Variants in HRH1 observed in about 807,000 individuals in gnomAD.
The protein encoded by HRH1 is histamine H1 receptor.
HRH1 carries 6 observed loss-of-function variants against 10.3 expected under a neutral mutation model. That is an observed-to-expected ratio of 0.58 (90% CI 0.32 to 1.15). The LOEUF (loss-of-function observed/expected upper bound fraction) is 1.15, where lower values mean the gene tolerates loss of function less well. Among genes scored for constraint, HRH1 ranks in the 50% most tolerant of loss-of-function variants. The pLI, the probability that HRH1 is intolerant of heterozygous loss-of-function variation, is 0.05. For missense variants in HRH1, 514 were observed against 615.3 expected (o/e 0.84, Z 1.74); for synonymous variants, 242 against 236.7 (o/e 1.02, Z -0.21).
chr3:11,142,414 C>G (rs1343399636), intron 1 of HRH1, among the ~76,000 whole-genome samples: 1 of 152,190 alleles, frequency 6.6e-6, no homozygotes, highest in Non-Finnish European at 1.5e-5. Flanking sequence ...AGTTACTGCT[C>G]TAAGTGCTGG....
chr3:11,238,698 C>A lies in HRH1; in HGVS notation c.-35-20305C>A, dbSNP rs571874049. Among the ~76,000 whole-genome samples, 3 of 152,328 alleles carry A rather than the reference C, an allele frequency of 2.0e-5. No individual in the cohort carries two copies. In the East Asian group the frequency reaches 5.8e-4, roughly 29 times the overall value. On this transcript the variant is annotated intron_variant, in intron 1 of 1. Coordinates refer to ENST00000431010, the MANE Select transcript of HRH1 (RefSeq NM_001098212.2). Reference sequence around the variant, plus strand: ...CCAAAAGATCCCTTCCTGTCCCCCCCTCCACTACCAGGCAACCACTAATCT... The same window carrying A: ...CCAAAAGATCCCTTCCTGTCCCCCCATCCACTACCAGGCAACCACTAATCT...
intron 1 of HRH1, among the ~76,000 whole-genome samples, chr3:11,141,584 T>C (rs150847398): frequency 6.6e-6 from 1 of 152,268 alleles, no homozygotes; most frequent in Non-Finnish European, 1.5e-5. Context: ...GCATTGGTTC[T>C]CCTTCAAAAG....
chr3:11,158,038 T>C (rs1369263993), intron 1 of HRH1, among the ~76,000 whole-genome samples: 1 of 152,260 alleles, frequency 6.6e-6, no homozygotes, highest in Non-Finnish European at 1.5e-5. Context: ...TATTCATGAA[T>C]GTCTACGGAA....
At chr3:11,152,902 C>T (rs939620704), upstream of HRH1, among the ~76,000 whole-genome samples, 22 of 151,950 alleles carry the variant, frequency 1.4e-4, no homozygotes, top group Admixed American at 5.2e-4. Flanking sequence ...CCTGACTTCT[C>T]GAATCCATAA....
chr3:11,197,824 C>G (rs1937724092), intron 1 of HRH1, among the ~76,000 whole-genome samples: 1 of 152,124 alleles, frequency 6.6e-6, no homozygotes, highest in Non-Finnish European at 1.5e-5. Flanking sequence ...CTGTTTGTAA[C>G]CCTCCAGCAT....
chr3:11,158,550 T>C (rs1936862030), intron 1 of HRH1, among the ~76,000 whole-genome samples: 1 of 152,228 alleles, frequency 6.6e-6, no homozygotes, highest in Non-Finnish European at 1.5e-5. Context: ...TATTTAGTCT[T>C]CCATGAACAT....
intron 1 of HRH1, among the ~76,000 whole-genome samples, chr3:11,241,123 A>T (rs931657739): frequency 6.6e-6 from 1 of 152,340 alleles, no homozygotes; most frequent in Non-Finnish European, 1.5e-5. Flanking sequence ...CTATTATAAA[A>T]TAAAGACAAT....
At chr3:11,190,891 C>G (rs900873804) in intron 1 of HRH1, among the ~76,000 whole-genome samples, 1 of 152,204 alleles carries the variant, frequency 6.6e-6, no homozygotes, top group Non-Finnish European at 1.5e-5. Flanking sequence ...CTTCCTGGTC[C>G]GCATTTGGGC....
At chr3:11,220,231 T>C (rs1433005243) in intron 1 of HRH1, among the ~76,000 whole-genome samples, 1 of 152,170 alleles carries the variant, frequency 6.6e-6, no homozygotes. Flanking sequence ...CTATATATGT[T>C]AGTTGTTTCG....
intron 1 of HRH1, among the ~76,000 whole-genome samples, chr3:11,203,669 G>A (rs755918384): frequency 2.0e-5 from 3 of 152,148 alleles, no homozygotes; most frequent in Non-Finnish European, 4.4e-5. Flanking sequence ...CTGTATTTAT[G>A]TCGATTTATC....
intron 1 of HRH1, among the ~76,000 whole-genome samples, chr3:11,163,426 C>G (rs1936964713): frequency 6.6e-6 from 1 of 152,180 alleles, no homozygotes; most frequent in Admixed American, 6.5e-5. Context: ...GCAGAATGAC[C>G]TGGCCAGCCT....
chr3:11,195,710 T>A (rs2125024025), intron 1 of HRH1, among the ~76,000 whole-genome samples: 1 of 152,266 alleles, frequency 6.6e-6, no homozygotes, highest in South Asian at 2.1e-4. Context: ...CTCAAGGAGC[T>A]CCTCATAGGG....
At chr3:11,216,603 G>C (rs347598) in intron 1 of HRH1, among the ~76,000 whole-genome samples, 87,083 of 152,054 alleles carry the variant, frequency 0.57, 25,295 homozygotes, top group East Asian at 0.67. Flanking sequence ...TGGAGACCAG[G>C]TGCAGTGGCT....
intron 1 of HRH1, chr3:11,137,478 A>T (rs1366036094): frequency 6.5e-6 from 1 of 152,950 alleles, no homozygotes; most frequent in Non-Finnish European, 1.5e-5. Context: ...GGGGCTGATT[A>T]GATGCTGGAA....
chr3:11,211,980 C>T (rs1044180808), intron 1 of HRH1, among the ~76,000 whole-genome samples: 4 of 152,114 alleles, frequency 2.6e-5, no homozygotes, highest in African/African-American at 7.2e-5. Flanking sequence ...TGCATTTTAA[C>T]GTACGCACTC....
chr3:11,217,740 C>T (rs1263483252), intron 1 of HRH1, among the ~76,000 whole-genome samples: 1 of 152,024 alleles, frequency 6.6e-6, no homozygotes, highest in East Asian at 1.9e-4. Flanking sequence ...ATATTTTACA[C>T]AATTAGAATT....
chr3:11,171,860 A>G (rs1012024193), intron 1 of HRH1, among the ~76,000 whole-genome samples: 7 of 152,212 alleles, frequency 4.6e-5, no homozygotes, highest in Middle Eastern at 3.2e-3. Context: ...GAAGTAGGAT[A>G]TCTAAACTCA....
chr3:11,249,395 T>G (rs1467849785), intron 1 of HRH1, among the ~76,000 whole-genome samples: 1 of 100,038 alleles, frequency 1.0e-5, no homozygotes, highest in Admixed American at 1.1e-4. Flanking sequence ...AAAGTGAGAC[T>G]CTGTCTCAAA....
chr3:11,217,746 G>A (rs966200080), intron 1 of HRH1, among the ~76,000 whole-genome samples: 4 of 152,162 alleles, frequency 2.6e-5, no homozygotes, highest in Admixed American at 2.6e-4. Flanking sequence ...TACACAATTA[G>A]AATTTTTAAG....
Sources: gnomAD v4.1 joint callset for allele counts (sites outside exome capture counted in the v4.1 genomes callset) on GRCh38, gnomAD v4.1.1 for gene constraint, MANE v1.5 for transcripts, NCBI Gene and HGNC (gene_info 2026-07-23, HGNC 2026-07-21) for gene names.